Variants in IL1RAPL1 observed in about 807,000 individuals in gnomAD.
The protein encoded by IL1RAPL1 is interleukin 1 receptor accessory protein like 1, also known as interleukin-1 receptor accessory protein-like 1.
Under a neutral mutation model 48.4 loss-of-function variants are expected in IL1RAPL1, and 3 were observed. The observed-to-expected ratio is 0.06, with a 90% CI of 0.03 to 0.16. IL1RAPL1 has a LOEUF of 0.16. IL1RAPL1 is among the 10% of genes least tolerant of loss of function. The probability of loss-of-function intolerance (pLI) is 1.00; values close to 1 mark genes in which losing one functional copy is unlikely to be tolerated. For missense variants in IL1RAPL1, 349 were observed against 530.6 expected (o/e 0.66, Z 3.36); for synonymous variants, 185 against 187.7 (o/e 0.99, Z 0.12).
intron 5 of IL1RAPL1, among the ~76,000 whole-genome samples, chrX:29,658,761 C>T (rs960953236): frequency 9.8e-5 from 11 of 111,765 alleles, no homozygotes; most frequent in African/African-American, 3.6e-4. Context: ...GTGTAATGAT[C>T]AAATCAGGGT....
chrX:29,815,108 C>T (rs1262261998), intron 6 of IL1RAPL1, among the ~76,000 whole-genome samples: 2 of 110,763 alleles, frequency 1.8e-5, no homozygotes, highest in African/African-American at 6.6e-5. Flanking sequence ...TTTTCCTAAT[C>T]CTGTGAAAAA....
chrX:29,904,334 A>C (rs1456612964), intron 6 of IL1RAPL1, among the ~76,000 whole-genome samples: 1 of 108,299 alleles, frequency 9.2e-6, no homozygotes, highest in Non-Finnish European at 1.9e-5. Context: ...GACTTAAATA[A>C]AGATAAAAAT....
chrX:29,575,576 A>G (rs1922749036), intron 5 of IL1RAPL1, among the ~76,000 whole-genome samples: 1 of 111,896 alleles, frequency 8.9e-6, no homozygotes, highest in Non-Finnish European at 1.9e-5. Context: ...GCCCACCCAC[A>G]TTGAGGGTGG....
At chrX:28,622,185 A>G (rs773743968) in intron 1 of IL1RAPL1, among the ~76,000 whole-genome samples, 19 of 112,066 alleles carry the variant, frequency 1.7e-4, no homozygotes, top group Non-Finnish European at 3.6e-4. Context: ...CAATATTTTA[A>G]AATTAAGATG....
intron 2 of IL1RAPL1, among the ~76,000 whole-genome samples, chrX:29,204,491 T>G (rs756559827): frequency 2.7e-5 from 3 of 111,681 alleles, no homozygotes; most frequent in African/African-American, 9.7e-5. Context: ...ATTTTTTCCA[T>G]ATACCTGTTG....
chrX:28,653,760 C>A (rs1251190307), intron 1 of IL1RAPL1, among the ~76,000 whole-genome samples: 2 of 111,211 alleles, frequency 1.8e-5, no homozygotes, highest in African/African-American at 3.3e-5. Flanking sequence ...GAAAGACCTG[C>A]CTTTTAGTGT....
At chrX:28,796,458 G>A (rs762574514) in intron 2 of IL1RAPL1, among the ~76,000 whole-genome samples, 9 of 112,015 alleles carry the variant, frequency 8.0e-5, no homozygotes, top group Middle Eastern at 4.6e-3. Context: ...GGGGGTACAA[G>A]CATTGGGTAA....
At chrX:29,054,246 T>C (rs1927162281) in intron 2 of IL1RAPL1, among the ~76,000 whole-genome samples, 2 of 111,325 alleles carry the variant, frequency 1.8e-5, no homozygotes, top group Admixed American at 1.9e-4. Context: ...CAATATACTA[T>C]TGTTCTCCTG....
intron 6 of IL1RAPL1, among the ~76,000 whole-genome samples, chrX:29,674,521 A>T (rs60083758): frequency 0.15 from 16,949 of 111,678 alleles, 1,125 homozygotes; most frequent in African/African-American, 0.26. Context: ...GAACAGTTCC[A>T]GTGGGCCAAT....
At chrX:29,401,651 G>A (rs958674437) in intron 5 of IL1RAPL1, among the ~76,000 whole-genome samples, 4 of 106,934 alleles carry the variant, frequency 3.7e-5, no homozygotes, top group African/African-American at 1.4e-4. Context: ...GGTTTTAGTG[G>A]AATTTGAAGT....
At chrX:28,869,217 A>C (rs1922148797) in intron 2 of IL1RAPL1, among the ~76,000 whole-genome samples, 1 of 112,452 alleles carries the variant, frequency 8.9e-6, no homozygotes, top group South Asian at 3.6e-4. Context: ...TCTAAATTCA[A>C]GTGTTTATAT....
intron 2 of IL1RAPL1, among the ~76,000 whole-genome samples, chrX:29,111,492 T>C (rs771082811): frequency 8.9e-6 from 1 of 111,758 alleles, no homozygotes; most frequent in Non-Finnish European, 1.9e-5. Flanking sequence ...TTTACTTAAG[T>C]TCTTGTTGAT....
intron 1 of IL1RAPL1, among the ~76,000 whole-genome samples, chrX:28,749,036 G>T (rs965362995): frequency 8.9e-6 from 1 of 111,817 alleles, no homozygotes; most frequent in Non-Finnish European, 1.9e-5. Flanking sequence ...CAGTGTGCCT[G>T]GCATACTCAG....
intron 5 of IL1RAPL1, among the ~76,000 whole-genome samples, chrX:29,581,597 A>G (rs1299527416): frequency 8.9e-6 from 1 of 112,220 alleles, no homozygotes; most frequent in African/African-American, 3.2e-5. Context: ...CAGGCACATC[A>G]AAGCTGAGTG....
intron 3 of IL1RAPL1, among the ~76,000 whole-genome samples, chrX:29,333,798 A>AC (rs1287418570): frequency 0.034 from 102 of 3,004 alleles, 5 homozygotes; most frequent in Non-Finnish European, 0.059. Context: ...CGGCTGGCCG[A>AC]CCCCCCCCCC....
rs752843404 is a variant in IL1RAPL1 at position 29,193,112 on chromosome X, ATTGT to A, written c.83-89823_83-89820del. Among the ~76,000 whole-genome samples the A allele has an allele frequency of 1.5e-4, 17 of 110,805 alleles. No homozygotes were observed. The East Asian group carries it at 4.8e-3, about 31-fold the overall frequency. ...AAGTTGAGTGATTGAAGATAACTTT[ATTGT>A]TTTTTAGTTTATAATTTACTTTGCT... On this transcript the variant is annotated intron_variant, in intron 2 of 10. Transcript: ENST00000378993.
At chrX:29,484,289 G>A (rs950458115) in intron 5 of IL1RAPL1, among the ~76,000 whole-genome samples, 1 of 111,458 alleles carries the variant, frequency 9.0e-6, no homozygotes, top group African/African-American at 3.3e-5. Flanking sequence ...ATAATATGTC[G>A]AAGGGTATCA....
intron 1 of IL1RAPL1, among the ~76,000 whole-genome samples, chrX:28,764,245 A>G (rs752245107): frequency 2.7e-5 from 3 of 111,849 alleles, no homozygotes; most frequent in Non-Finnish European, 5.6e-5. Flanking sequence ...CGAGAATTCC[A>G]GTAAATCACA....
At chrX:29,165,262 T>G (rs1005965572) in intron 2 of IL1RAPL1, among the ~76,000 whole-genome samples, 1 of 111,580 alleles carries the variant, frequency 9.0e-6, no homozygotes, top group African/African-American at 3.3e-5. Context: ...GAGGTTGCAG[T>G]CAGCGGAGAT....
Sources: allele counts gnomAD v4.1 joint callset (sites outside exome capture counted in the v4.1 genomes callset), GRCh38; gene constraint gnomAD v4.1.1; transcripts MANE v1.5; gene names NCBI Gene and HGNC (gene_info 2026-07-23, HGNC 2026-07-21).